Variants in SGSM2 observed in about 807,000 individuals in gnomAD.
SGSM2 encodes small G protein signaling modulator 2.
SGSM2 carries 89 observed loss-of-function variants against 126.6 expected under a neutral mutation model. The observed-to-expected ratio is 0.70, with a 90% CI of 0.59 to 0.84. SGSM2 has a LOEUF of 0.84. Among genes scored for constraint, SGSM2 ranks in the 40% least tolerant of loss-of-function variants. SGSM2 has a pLI of 0.00. For missense variants in SGSM2, 1,404 were observed against 1,416.6 expected, an observed-to-expected ratio of 0.99 and a Z score of 0.14; for synonymous variants, 614 against 574.3, an observed-to-expected ratio of 1.07 and a Z score of -0.99.
Position 2,380,902 on chromosome 17 carries a change from G to T in SGSM2, c.*1382G>T, listed in dbSNP as rs563611434. The stretch of plus-strand genomic sequence containing the variant: ...GACCACCCCATTGTCCATCCTTGTT[G>T]TCCGTGAGTCCTTGGCCTCCACCAA... On this transcript the variant is annotated 3_prime_UTR_variant, in exon 24 of 24. Transcript: ENST00000268989. 1 of 157,466 alleles carries T rather than the reference G, an allele frequency of 6.4e-6. No homozygotes were observed. The highest frequency in any genetic ancestry group is 1.9e-4 in the South Asian group (1 of 5,324). 9.8% of individuals were successfully genotyped at this position (157,466 alleles called of 1,614,324 possible).
chr17:2,345,476 G>A (rs1028556776), intron 2 of SGSM2, among the ~76,000 whole-genome samples: 5 of 151,578 alleles, frequency 3.3e-5, no homozygotes, highest in African/African-American at 1.2e-4. Flanking sequence ...GGCGCCTGTA[G>A]TCCCAGCTAC....
rs1045279400 is a variant in SGSM2, at chr17:2,372,193, G to A, written c.1581G>A (p.Leu527=). 2.5e-6 allele frequency: 4 copies of A among 1,613,210 alleles called. No homozygotes were observed. The highest frequency in any genetic ancestry group is 3.4e-6 in the Non-Finnish European group (4 of 1,179,804). ...CTGAGCCCGGTTGTTGCCACAGGTT[G>A]CCGCTCAGGCTACTGTGTGAGAGTA... ...PSHCSCIPDR[L]PLRLLCESMK... is the part of the protein sequence containing the mutation. The change falls in exon 14 of 24, where the codon TTG becomes TTA. Residue 527 remains leucine (L), a synonymous_variant. Coordinates refer to ENST00000268989, the MANE Select transcript of SGSM2 (RefSeq NM_014853.3). The surrounding 1 kb of genome is among the most constrained non-coding windows in gnomAD (Gnocchi z 6.0).
chr17:2,368,024 G>A (rs760978576), intron 12 of SGSM2, among the ~76,000 whole-genome samples: 11 of 152,220 alleles, frequency 7.2e-5, no homozygotes, highest in Non-Finnish European at 1.5e-4. Flanking sequence ...TCAGGGCCTG[G>A]CAACATGAAC....
At position 2,364,908 on chromosome 17, in the gene SGSM2, A is replaced by T; in HGVS notation, c.1012A>T (p.Thr338Ser). 1 of 1,610,258 alleles carries T rather than the reference A, an allele frequency of 6.2e-7. No homozygotes were observed. Residue 338 changes from threonine to serine, a missense_variant, in exon 10 of 24, where the codon ACG becomes TCG. Physicochemically the swap from Thr to Ser is moderately conservative, Grantham distance 58. Transcript: ENST00000268989. Reference protein sequence around the residue: ...IHCHQQKSGGTLVLVSQDGIQ... With the variant: ...IHCHQQKSGGSLVLVSQDGIQ... ...ACGTTCACCCCCAGAGAGCGGTGGC[A>T]CGCTTGTGCTGGTGAGCCAGGATGG...
At chr17:2,375,397 A>T in intron 17 of SGSM2, 95 bp from the exon 18 acceptor site, 3 of 1,450,352 alleles carry the variant, frequency 2.1e-6, no homozygotes, top group Non-Finnish European at 2.8e-6. Context: ...GGGTGTGAAG[A>T]GTTTTGCATT....
intron 8 of SGSM2, 48 bp from the exon 9 acceptor site, chr17:2,364,548 G>A (rs2065466886): frequency 1.3e-6 from 2 of 1,595,800 alleles, no homozygotes; most frequent in Non-Finnish European, 1.7e-6. Context: ...AAGGAAGGAA[G>A]GATGGCAGGT....
In SGSM2 at chr17:2,362,071, A is replaced by AG. The variant is rs1398900700; in HGVS notation, c.297-37dup. The stretch of plus-strand genomic sequence containing the variant: ...TGCCAGCATTCTGGGGTTTACCCCT[A>AG]GACCACTGCACTCCTGGAGCCCTCC... On this transcript the variant is annotated intron_variant, in intron 3 of 23. Transcript: ENST00000268989. This position sits in a 1 kb window ranked among gnomAD's most constrained non-coding sequence, Gnocchi z 4.9. 6.3e-7 allele frequency: 1 copy of AG among 1,590,614 alleles called. No individual in the cohort carries two copies.
rs2065360561 is a variant in SGSM2, at chr17:2,362,475, G to A, written c.458+205G>A. 1.3e-5 allele frequency among the ~76,000 whole-genome samples: 2 copies of A among 148,444 alleles called. No individual in the cohort carries two copies. Among genetic ancestry groups the A allele is most frequent in the Admixed American group, 1.3e-4 (2 of 14,904 alleles). On this transcript the variant is annotated intron_variant, in intron 4 of 23. Transcript: ENST00000268989. This position sits in a 1 kb window ranked among gnomAD's most constrained non-coding sequence, Gnocchi z 4.9. Reference sequence around the variant, plus strand: ...CCGCCCCGTTCCCCAAAAACTGCAGGTGACCGCCCCGTTCCCCAAAAACTG... The same window carrying A: ...CCGCCCCGTTCCCCAAAAACTGCAGATGACCGCCCCGTTCCCCAAAAACTG...
intron 17 of SGSM2, chr17:2,374,626 A>G (rs2066040766): frequency 6.6e-6 from 1 of 152,190 alleles, no homozygotes; most frequent in South Asian, 2.1e-4. Context: ...GCACATTGTC[A>G]TTTCCCACGT....
At position 2,380,444 on chromosome 17, in the gene SGSM2, C is replaced by A; in HGVS notation, c.*924C>A. The A allele has an allele frequency of 1.3e-6, 1 of 798,090 alleles. No homozygotes were observed. The highest frequency in any genetic ancestry group is 2.1e-6 in the Non-Finnish European group (1 of 487,534). 49.4% of individuals were successfully genotyped at this position (798,090 alleles called of 1,614,324 possible). A position where few individuals can be genotyped will look rare whatever the true frequency, so the allele number is the denominator to read the frequency against. Reference sequence around the variant, plus strand: ...GCAGCCCATTATCTGTCGCAGACATCTGCCATGTCCCTGAGACTGCGGGAG... The same window carrying A: ...GCAGCCCATTATCTGTCGCAGACATATGCCATGTCCCTGAGACTGCGGGAG... On this transcript the variant is annotated 3_prime_UTR_variant, in exon 24 of 24. Transcript: ENST00000268989.
At chr17:2,358,877 T>TG (rs1567817422) in intron 2 of SGSM2, among the ~76,000 whole-genome samples, 251 of 104,750 alleles carry the variant, frequency 2.4e-3, no homozygotes, top group African/African-American at 6.9e-3. Flanking sequence ...GTTGTTGTTT[T>TG]TTTTTTTTTT....
chr17:2,373,828 C>T lies in SGSM2; in HGVS notation c.2100+315C>T, dbSNP rs984524412. The T allele has an allele frequency of 1.8e-5, 6 of 338,458 alleles. No homozygotes were observed. In the Admixed American group the frequency reaches 2.1e-4, roughly 12 times the overall value. 21.0% of individuals were successfully genotyped at this position (338,458 alleles called of 1,614,324 possible). A position where few individuals can be genotyped will look rare whatever the true frequency, so the allele number is the denominator to read the frequency against. ...AGACCTCAAAGCTAGCAACAGGCAG[C>T]GCTGGGTTCTAGTCCCAGATCCACT... On this transcript the variant is annotated intron_variant, in intron 17 of 23. Transcript: ENST00000268989.
At chr17:2,376,292 G>A (rs1480070364) in intron 19 of SGSM2, 31 bp downstream of exon 19, 6 of 1,612,314 alleles carry the variant, frequency 3.7e-6, no homozygotes, top group Non-Finnish European at 5.1e-6. Context: ...CAGGGTGGGA[G>A]GCGGGACCCT....
At chr17:2,342,030 C>G (rs554842318) in intron 1 of SGSM2, among the ~76,000 whole-genome samples, 1 of 152,120 alleles carries the variant, frequency 6.6e-6, no homozygotes, top group Non-Finnish European at 1.5e-5. Flanking sequence ...TACAGCTATA[C>G]ACAACATGAA....
chr17:2,349,103 C>T (rs1202060215), intron 2 of SGSM2, among the ~76,000 whole-genome samples: 1 of 151,868 alleles, frequency 6.6e-6, no homozygotes, highest in Non-Finnish European at 1.5e-5. Context: ...AGGCCGGGCA[C>T]AGTGGCTCAC....
chr17:2,363,625 C>T lies in SGSM2; in HGVS notation c.807+26C>T. The T allele has an allele frequency of 6.2e-7, 1 of 1,609,854 alleles. No individual in the cohort carries two copies. Among genetic ancestry groups the T allele is most frequent in the South Asian group, 1.1e-5 (1 of 90,900 alleles). ...GTAGGAAAGCTTCATCCTGCCATCCCTCCCCGAAGGTCCCCGAACGAGACG... is the reference window on the plus strand; with the variant it reads ...GTAGGAAAGCTTCATCCTGCCATCCTTCCCCGAAGGTCCCCGAACGAGACG... On this transcript the variant is annotated intron_variant, in intron 7 of 23. Coordinates refer to ENST00000268989, the MANE Select transcript of SGSM2 (RefSeq NM_014853.3). This position sits in a 1 kb window ranked among gnomAD's most constrained non-coding sequence, Gnocchi z 4.2.
chr17:2,361,657 T>G lies in SGSM2; in HGVS notation c.154T>G (p.Leu52Val), dbSNP rs758656756. 7 of 1,613,820 alleles carry G rather than the reference T, an allele frequency of 4.3e-6. No individual in the cohort carries two copies. Among genetic ancestry groups the G allele is most frequent in the African/African-American group, 1.3e-5 (1 of 74,912 alleles). ...ALCGAVEACLLHQLRRRAAGF... is the reference protein window; with the variant it reads ...ALCGAVEACLVHQLRRRAAGF... ...CCTAGGTGCAGTGGAGGCTTGCCTCTTGCATCAGCTGAGACGCCGTGCCGC... is the reference window on the plus strand; with the variant it reads ...CCTAGGTGCAGTGGAGGCTTGCCTCGTGCATCAGCTGAGACGCCGTGCCGC... Residue 52 changes from leucine (L) to valine (V), a missense_variant, in exon 3 of 24, where the codon TTG becomes GTG. By Grantham distance (32) the Leu-to-Val change is conservative (BLOSUM62 1). Coordinates refer to ENST00000268989, the MANE Select transcript of SGSM2 (RefSeq NM_014853.3).
rs1316178433 is a variant in SGSM2 at position 2,367,342 on chromosome 17, A to G, written c.1360A>G (p.Lys454Glu). ...GGACGATGATGAGGAAGAGGAGGAT[A>G]AACTGCACGCGATGCTCTCAATGAT... ...SVDDDEEEED[K>E]LHAMLSMICS... Residue 454 changes from lysine (K) to glutamate (E), a missense_variant, in exon 12 of 24, where the codon AAA (lysine) becomes GAA (glutamate). Transcript: ENST00000268989. This position sits in a 1 kb window ranked among gnomAD's most constrained non-coding sequence, Gnocchi z 4.0. The G allele has an allele frequency of 6.2e-7, 1 of 1,614,168 alleles. No individual in the cohort carries two copies.
intron 1 of SGSM2, among the ~76,000 whole-genome samples, chr17:2,339,198 C>T (rs148409015): frequency 1.1e-4 from 17 of 151,934 alleles, no homozygotes; most frequent in South Asian, 6.2e-4. Context: ...GAGGCTGAGG[C>T]GGGTAGATCA....
Sources: gnomAD v4.1 joint callset for allele counts (sites outside exome capture counted in the v4.1 genomes callset) on GRCh38, gnomAD v4.1.1 for gene constraint, Gnocchi (gnomAD v3.1) non-coding constraint, MANE v1.5 for transcripts, NCBI Gene and HGNC (gene_info 2026-07-23, HGNC 2026-07-21) for gene names.